Variants in NOX3 observed in about 807,000 individuals in gnomAD.
NOX3 encodes the protein NADPH oxidase catalytic subunit-like 3.
NOX3 carries 74 observed loss-of-function variants against 76.7 expected under a neutral mutation model. That is an observed-to-expected ratio of 0.96 (90% CI 0.80 to 1.17). NOX3 has a LOEUF of 1.17. Among genes scored for constraint, NOX3 ranks in the 50% most tolerant of loss-of-function variants. NOX3 has a pLI of 0.00. For synonymous variants in NOX3, 263 were observed against 261.1 expected, an observed-to-expected ratio of 1.01 and a Z score of -0.07; for missense variants, 695 against 703.3, an observed-to-expected ratio of 0.99 and a Z score of 0.13.
chr6:155,425,609 C>T (rs117983021), intron 9 of NOX3, among the ~76,000 whole-genome samples: 1,953 of 152,176 alleles, frequency 0.013, 15 homozygotes, highest in Middle Eastern at 0.024. Context: ...GAGCACTTAC[C>T]GTGTGCTAAG....
intron 12 of NOX3, among the ~76,000 whole-genome samples, chr6:155,406,195 A>T (rs1776454591): frequency 6.6e-6 from 1 of 152,162 alleles, no homozygotes; most frequent in Non-Finnish European, 1.5e-5. Context: ...GCAAAGACTG[A>T]CTTAGGAGAC....
chr6:155,396,743 A>G (rs1049490770), intron 13 of NOX3, 66 bp downstream of exon 13: 12 of 1,349,350 alleles, frequency 8.9e-6, no homozygotes, highest in South Asian at 2.9e-5. Context: ...GCCTAAAATG[A>G]TTACTGTTTG....
rs1180675387 is a variant in NOX3, at chr6:155,454,810, C to G, written c.255+1G>C. The G allele has an allele frequency of 6.6e-7, 1 of 1,525,898 alleles. No homozygotes were observed. Among genetic ancestry groups the G allele is most frequent in the Non-Finnish European group, 8.9e-7 (1 of 1,119,072 alleles). 94.5% of individuals were successfully genotyped at this position (1,525,898 alleles called of 1,614,324 possible). Reference sequence around the variant, plus strand: ...ATTATTTCAGATATTTTAGTACTTACAATACTTGTTCCTCTTATGAATGAA... The same window carrying G: ...ATTATTTCAGATATTTTAGTACTTAGAATACTTGTTCCTCTTATGAATGAA... On this transcript the variant is annotated splice_donor_variant, in intron 3 of 13. Transcript: ENST00000159060. LOFTEE classifies it high-confidence loss of function.
chr6:155,447,027 A>G (rs1777073587), intron 4 of NOX3, among the ~76,000 whole-genome samples: 1 of 151,646 alleles, frequency 6.6e-6, no homozygotes, highest in African/African-American at 2.4e-5. Context: ...TTTTTGCAGG[A>G]TAAGTTTTTA....
At chr6:155,444,890 A>C (rs997000818) in intron 4 of NOX3, among the ~76,000 whole-genome samples, 1 of 152,206 alleles carries the variant, frequency 6.6e-6, no homozygotes, top group African/African-American at 2.4e-5. Flanking sequence ...ATTCACACAT[A>C]AATTTGCATG....
chr6:155,421,575 T>A (rs1211931674), intron 10 of NOX3, among the ~76,000 whole-genome samples: 5 of 152,158 alleles, frequency 3.3e-5, no homozygotes, highest in African/African-American at 1.2e-4. Flanking sequence ...CTGCGGAACT[T>A]TTTTTAGAGA....
At chr6:155,425,520 TCTAA>T (rs1254583996) in intron 9 of NOX3, among the ~76,000 whole-genome samples, 1 of 152,188 alleles carries the variant, frequency 6.6e-6, no homozygotes, top group Non-Finnish European at 1.5e-5. Context: ...CATTTACTCC[TCTAA>T]CAAACACTTC....
intron 11 of NOX3, among the ~76,000 whole-genome samples, chr6:155,410,295 C>CTGTGTG (rs1562459438): frequency 1.6e-5 from 2 of 123,062 alleles, no homozygotes; most frequent in African/African-American, 7.9e-5. Flanking sequence ...TCTATAAGGC[C>CTGTGTG]AGTGTGTGTG....
chr6:155,398,041 CAG>C (rs1431136188), intron 12 of NOX3, among the ~76,000 whole-genome samples: 1 of 152,198 alleles, frequency 6.6e-6, no homozygotes, highest in African/African-American at 2.4e-5. Flanking sequence ...TGGGGTGCAT[CAG>C]TCTCTATAGA....
intron 10 of NOX3, 30 bp downstream of exon 10, chr6:155,422,664 T>C (rs373915862): frequency 3.9e-5 from 63 of 1,608,558 alleles, no homozygotes; most frequent in African/African-American, 1.3e-4. Flanking sequence ...TTTTAATCCA[T>C]GGAAGGGTGA....
At chr6:155,427,398 ACC>A (rs1350982008) in intron 9 of NOX3, among the ~76,000 whole-genome samples, 1 of 152,234 alleles carries the variant, frequency 6.6e-6, no homozygotes, top group Non-Finnish European at 1.5e-5. Context: ...CTTGTTTGTC[ACC>A]AATAAATATT....
At chr6:155,454,595 G>T (rs1777187349) in intron 3 of NOX3, among the ~76,000 whole-genome samples, 1 of 152,192 alleles carries the variant, frequency 6.6e-6, no homozygotes, top group Non-Finnish European at 1.5e-5. Context: ...AATGAGTTGA[G>T]TGTCATGTAG....
rs138179039 is a variant in NOX3 at position 155,449,649 on chromosome 6, G to C, written c.340+3755C>G. ...TTTGCCTCTTCCCTCCTCCTCCCTC[G>C]CCTTCTTCCACCAGTCTCTAATTAC... On this transcript the variant is annotated intron_variant, in intron 4 of 13. Coordinates refer to ENST00000159060, the MANE Select transcript of NOX3 (RefSeq NM_015718.3). 1.6e-3 allele frequency among the ~76,000 whole-genome samples: 248 copies of C among 152,094 alleles called. 1 individual carries two copies. The highest frequency in any genetic ancestry group is 6.8e-3 in the Middle Eastern group (2 of 294).
At position 155,422,809 on chromosome 6, in the gene NOX3, T is replaced by A. The variant is rs751524039; in HGVS notation, c.1193A>T (p.His398Leu). Residue 398 changes from histidine to leucine, a missense_variant, in exon 10 of 14, where the codon CAC becomes CTC. By Grantham distance (99) the His-to-Leu change is moderately conservative. Coordinates refer to ENST00000159060, the MANE Select transcript of NOX3 (RefSeq NM_015718.3). ...PFGTALTDVF[H>L]YPVCVCVAAG... ...GGCAACGCACACACACACTGGGTAG[T>A]GAAATACATCTGTCAGGGCAGTTCC... 1.1e-5 allele frequency: 18 copies of A among 1,614,050 alleles called. No homozygotes were observed. The highest frequency in any genetic ancestry group is 1.4e-5 in the Non-Finnish European group (17 of 1,180,026).
chr6:155,408,522 C>T (rs1347630416), intron 11 of NOX3, among the ~76,000 whole-genome samples: 2 of 152,086 alleles, frequency 1.3e-5, no homozygotes, highest in Admixed American at 1.3e-4. Context: ...CCTGGCTGAC[C>T]TTCTCTCCAG....
At chr6:155,419,179 A>G (rs2114687039) in intron 10 of NOX3, among the ~76,000 whole-genome samples, 1 of 152,352 alleles carries the variant, frequency 6.6e-6, no homozygotes, top group East Asian at 1.9e-4. Flanking sequence ...ACATAAGCCT[A>G]ATAGTAGCTA....
Position 155,422,856 on chromosome 6 carries a change from C to T in NOX3, c.1146G>A (p.Arg382=). 1 of 1,614,026 alleles carries T rather than the reference C, an allele frequency of 6.2e-7. No individual in the cohort carries two copies. Among genetic ancestry groups the T allele is most frequent in the Non-Finnish European group, 8.5e-7 (1 of 1,179,926 alleles). ...QALQEPWSLP[R]LAVDGPFGTA... ...TTCCAAAGGGCCCGTCCACTGCCAG[C>T]CTGGAATCATAGAGGAATGCAGCCT... The change falls in exon 10 of 14, where the codon AGG becomes AGA. Residue 382 remains arginine, a splice_region_variant and synonymous_variant. Coordinates refer to ENST00000159060, the MANE Select transcript of NOX3 (RefSeq NM_015718.3).
rs1394331424 is a variant in NOX3, at chr6:155,409,000, G to C, written c.1456-1746C>G. ...TGAGGGTTGACAAAGAACCTACTGG[G>C]TATGATATCCACTGTTTGGGTAATG... On this transcript the variant is annotated intron_variant, in intron 11 of 13. Coordinates refer to ENST00000159060, the MANE Select transcript of NOX3 (RefSeq NM_015718.3). 2.0e-5 allele frequency among the ~76,000 whole-genome samples: 3 copies of C among 152,092 alleles called. No homozygotes were observed. In the South Asian group the frequency reaches 6.2e-4, roughly 32 times the overall value.
In NOX3 at chr6:155,418,701, C is replaced by T. The variant is rs961581637; in HGVS notation, c.1308+3993G>A. On this transcript the variant is annotated intron_variant, in intron 10 of 13. Transcript: ENST00000159060. The stretch of plus-strand genomic sequence containing the variant: ...CGCTTCCCACTGAGGAAGTGGCAGG[C>T]GCCTTATTGGTTGTGCTCCTGCATT... Among the ~76,000 whole-genome samples, 6 of 152,034 alleles carry T rather than the reference C, an allele frequency of 3.9e-5. No individual in the cohort carries two copies. In the South Asian group the frequency reaches 1.0e-3, roughly 26 times the overall value.
Sources: gnomAD v4.1 joint callset for allele counts (sites outside exome capture counted in the v4.1 genomes callset) on GRCh38, gnomAD v4.1.1 for gene constraint, MANE v1.5 for transcripts, NCBI Gene and HGNC (gene_info 2026-07-23, HGNC 2026-07-21) for gene names.